Variants in MTA3 observed in about 807,000 individuals in gnomAD.
The protein encoded by MTA3 is metastasis associated 1 family member 3.
A neutral mutation model predicts 83.5 loss-of-function variants in MTA3; 34 were observed. The observed-to-expected ratio is 0.41, with a 90% CI of 0.31 to 0.54. The LOEUF (loss-of-function observed/expected upper bound fraction) is 0.54, where lower values mean the gene tolerates loss of function less well. Among genes scored for constraint, MTA3 ranks in the 20% least tolerant of loss-of-function variants. MTA3 has a pLI of 0.33. For synonymous variants in MTA3, 303 were observed against 252.7 expected, an observed-to-expected ratio of 1.20 and a Z score of -1.89; for missense variants, 761 against 726.4, an observed-to-expected ratio of 1.05 and a Z score of -0.55.
At chr2:42,654,928 C>T (rs544632699) in intron 6 of MTA3, among the ~76,000 whole-genome samples, 1 of 152,282 alleles carries the variant, frequency 6.6e-6, no homozygotes, top group East Asian at 1.9e-4. Flanking sequence ...CTTCTTTCTA[C>T]TAATGCCAAC....
rs181099491 is a variant in MTA3, at chr2:42,697,303, A to C, written c.967-473A>C. 1.9e-3 allele frequency among the ~76,000 whole-genome samples: 282 copies of C among 152,352 alleles called. 7 individuals carry two copies. The highest frequency in any genetic ancestry group is 0.018 in the Admixed American group (274 of 15,302). ...AACATTTGAGAATAAATGCTTATTT[A>C]GTTCTACTTAGAATAGCCACAGTCA... is the stretch of plus-strand genomic sequence containing the variant. On this transcript the variant is annotated intron_variant, in intron 10 of 16. Transcript: ENST00000405094.
rs376395167 is a variant in MTA3 at position 42,723,201 on chromosome 2, A to T, written c.1759+166A>T. On this transcript the variant is annotated intron_variant, in intron 16 of 16. Coordinates refer to ENST00000405094, the MANE Select transcript of MTA3 (RefSeq NM_001330442.2). ...ATACAGCCATATGCCACATTTTGCC[A>T]AGGGATAGTTCTCCATCCCATCAGG... 26 of 828,096 alleles carry T rather than the reference A, an allele frequency of 3.1e-5. No homozygotes were observed. The African/African-American group carries it at 3.4e-4, about 11-fold the overall frequency. 51.3% of individuals were successfully genotyped at this position (828,096 alleles called of 1,614,324 possible).
At chr2:42,656,170 C>A in intron 6 of MTA3, 30 bp from the exon 7 acceptor site, 1 of 1,529,766 alleles carries the variant, frequency 6.5e-7, no homozygotes, top group Non-Finnish European at 9.1e-7. Context: ...TTGTCAGTAA[C>A]AAGACTCCAT....
At chr2:42,704,977 T>C (rs1015076240) in intron 12 of MTA3, among the ~76,000 whole-genome samples, 2 of 152,246 alleles carry the variant, frequency 1.3e-5, no homozygotes, top group East Asian at 1.9e-4. Flanking sequence ...TTATCATCTA[T>C]GTTTCCTTCC....
intron 16 of MTA3, among the ~76,000 whole-genome samples, chr2:42,749,978 CTTTTTA>C (rs987023465): frequency 1.3e-5 from 2 of 151,846 alleles, no homozygotes; most frequent in African/African-American, 4.8e-5. Flanking sequence ...ATGATAGTGG[CTTTTTA>C]TTTTTATTTT....
chr2:42,667,285 A>G (rs1250967063), intron 8 of MTA3, among the ~76,000 whole-genome samples: 1 of 152,136 alleles, frequency 6.6e-6, no homozygotes, highest in Non-Finnish European at 1.5e-5. Context: ...TTTTAAATGT[A>G]TTAAGTAGAT....
chr2:42,610,884 A>C (rs1214888477), intron 4 of MTA3, among the ~76,000 whole-genome samples: 1 of 152,082 alleles, frequency 6.6e-6, no homozygotes, highest in African/African-American at 2.4e-5. Flanking sequence ...ACTTTTGTTC[A>C]TAATCTGTAT....
chr2:42,667,620 A>G (rs1690383310), intron 8 of MTA3, among the ~76,000 whole-genome samples: 1 of 50,728 alleles, frequency 2.0e-5, no homozygotes, highest in Admixed American at 2.5e-4. Context: ...ATAGAGAGAG[A>G]AAGAGAGAGA....
At chr2:42,653,953 T>C in intron 6 of MTA3, among the ~76,000 whole-genome samples, 1 of 152,232 alleles carries the variant, frequency 6.6e-6, no homozygotes, top group East Asian at 1.9e-4. Flanking sequence ...GCAGGTTAAT[T>C]GTGTCATTCT....
Position 42,755,810 on chromosome 2 carries a change from C to A in MTA3, c.*2411C>A. 1.0e-6 allele frequency: 1 copy of A among 985,504 alleles called. No individual in the cohort carries two copies. The highest frequency in any genetic ancestry group is 1.2e-6 in the Non-Finnish European group (1 of 829,968). The allele number at this position is 985,504 out of a possible 1,614,324, so 61.0% of individuals were successfully genotyped here. A position where few individuals can be genotyped will look rare whatever the true frequency, so the allele number is the denominator to read the frequency against. ...ACATGGGTGGACGTGCAGAGACTGT[C>A]TGCGCAGCCCCCAGCAGACATGCCC... is the stretch of plus-strand genomic sequence containing the variant. On this transcript the variant is annotated 3_prime_UTR_variant, in exon 17 of 17. Coordinates refer to ENST00000405094, the MANE Select transcript of MTA3 (RefSeq NM_001330442.2).
chr2:42,720,951 CAAAA>C (rs377702701), intron 15 of MTA3, among the ~76,000 whole-genome samples: 12 of 69,586 alleles, frequency 1.7e-4, no homozygotes, highest in Non-Finnish European at 3.1e-4. Context: ...GACCCTGTCT[CAAAA>C]AAAAAAAAAA....
At chr2:42,728,384 A>T (rs143223635) in intron 16 of MTA3, among the ~76,000 whole-genome samples, 135 of 152,372 alleles carry the variant, frequency 8.9e-4, no homozygotes, top group Middle Eastern at 3.4e-3. Context: ...TACTGTGAAT[A>T]GTACTGCAGT....
intron 2 of MTA3, among the ~76,000 whole-genome samples, chr2:42,513,828 A>G (rs1391752325): frequency 6.6e-6 from 1 of 152,180 alleles, no homozygotes; most frequent in Non-Finnish European, 1.5e-5. Context: ...ACACCTAGGA[A>G]AGCCCTGGAA....
At chr2:42,673,926 A>G (rs566937453) in intron 8 of MTA3, among the ~76,000 whole-genome samples, 1 of 152,352 alleles carries the variant, frequency 6.6e-6, no homozygotes, top group East Asian at 1.9e-4. Context: ...CTTTAGTCTC[A>G]AAGAGGAAAA....
chr2:42,594,711 T>TAC (rs1482511965), intron 3 of MTA3, among the ~76,000 whole-genome samples: 39 of 39,442 alleles, frequency 9.9e-4, no homozygotes, highest in Non-Finnish European at 1.4e-3. Context: ...TATACATATA[T>TAC]ATATATATAT....
upstream of MTA3, among the ~76,000 whole-genome samples, chr2:42,494,312 T>G (rs1181844764): frequency 6.6e-6 from 1 of 152,104 alleles, no homozygotes; most frequent in African/African-American, 2.4e-5. Flanking sequence ...TCGGGATGAA[T>G]TGGGCAGTCC....
intron 16 of MTA3, among the ~76,000 whole-genome samples, chr2:42,747,968 C>T (rs1158444710): frequency 1.3e-5 from 2 of 152,082 alleles, no homozygotes; most frequent in African/African-American, 4.8e-5. Context: ...TCCCCCACCT[C>T]ACCCCCAGGT....
rs1257342654 is a variant in MTA3, at chr2:42,534,511, C to T, written c.-140-35926C>T. ...ATTCGGGAGGCTGAGGGAGGAGAAT[C>T]GCTTGAACCCGGGAGGCAGAGGTTG... On this transcript the variant is annotated intron_variant, in intron 2 of 17. Coordinates refer to the MTA3 transcript ENST00000405592. Among the ~76,000 whole-genome samples the T allele has an allele frequency of 5.9e-5, 9 of 152,094 alleles. No homozygotes were observed. In the East Asian group the frequency reaches 7.7e-4, roughly 13 times the overall value.
intron 2 of MTA3, among the ~76,000 whole-genome samples, chr2:42,571,112 G>A (rs1457494054): frequency 3.3e-5 from 5 of 152,148 alleles, no homozygotes; most frequent in Middle Eastern, 3.4e-3. Flanking sequence ...GAGATTTTAG[G>A]CTGGGCATGG....
Sources: allele counts gnomAD v4.1 joint callset (sites outside exome capture counted in the v4.1 genomes callset), GRCh38; gene constraint gnomAD v4.1.1; transcripts MANE v1.5; gene names NCBI Gene and HGNC (gene_info 2026-07-23, HGNC 2026-07-21).